The following NYAP2 variants were observed in gnomAD, a reference collection of about 807,000 sequenced individuals.
NYAP2 encodes the protein neuronal tyrosine-phosphorylated phosphoinositide-3-kinase adapter 2.
A neutral mutation model predicts 50.4 loss-of-function variants in NYAP2; 23 were observed. That is an observed-to-expected ratio of 0.46 (90% confidence interval 0.33 to 0.65). NYAP2 has a LOEUF of 0.65. NYAP2 is among the 30% of genes least tolerant of loss of function. The pLI is 0.02. For synonymous variants in NYAP2, 394 were observed against 365.2 expected, an observed-to-expected ratio of 1.08 and a Z score of -0.90; for missense variants, 885 against 861.0, an observed-to-expected ratio of 1.03 and a Z score of -0.35.
chr2:225,611,322 A>G (rs564446083), intron 5 of NYAP2, among the ~76,000 whole-genome samples: 1 of 152,152 alleles, frequency 6.6e-6, no homozygotes, highest in African/African-American at 2.4e-5. Context: ...GTATCCCTAC[A>G]TAAACATTCA....
chr2:225,496,915 A>AT lies in NYAP2; in HGVS notation c.222-16445dup, dbSNP rs552770034. Reference sequence around the variant, plus strand: ...GATACTGCCTCCATTGTAATGGAGAATTTTTTTTTTTATTTTTAGATGCAT... The same window carrying AT: ...GATACTGCCTCCATTGTAATGGAGAATTTTTTTTTTTTATTTTTAGATGCAT... On this transcript the variant is annotated intron_variant, in intron 3 of 6. Transcript: ENST00000636099. Among the ~76,000 whole-genome samples the AT allele has an allele frequency of 2.0e-3, 292 of 149,080 alleles. 1 individual carries two copies. Among genetic ancestry groups the AT allele is most frequent in the South Asian group, 5.1e-3 (24 of 4,720 alleles).
At chr2:225,578,999 T>C (rs1249051729) in intron 4 of NYAP2, among the ~76,000 whole-genome samples, 1 of 152,094 alleles carries the variant, frequency 6.6e-6, no homozygotes, top group East Asian at 1.9e-4. Flanking sequence ...ATTAGACTGA[T>C]GCTTTCTCTC....
intron 3 of NYAP2, among the ~76,000 whole-genome samples, chr2:225,471,823 G>T (rs1469717053): frequency 2.0e-5 from 3 of 152,138 alleles, no homozygotes; most frequent in African/African-American, 7.2e-5. Context: ...TGCCTTCAAA[G>T]CCATATTCAG....
chr2:225,619,929 G>A (rs1381678798), intron 5 of NYAP2, among the ~76,000 whole-genome samples: 3 of 152,172 alleles, frequency 2.0e-5, no homozygotes, highest in Non-Finnish European at 4.4e-5. Flanking sequence ...ATTTCAATGT[G>A]AGAATTAGAT....
At chr2:225,536,927 C>T (rs927644621) in intron 4 of NYAP2, among the ~76,000 whole-genome samples, 26 of 151,796 alleles carry the variant, frequency 1.7e-4, no homozygotes, top group Middle Eastern at 3.2e-3. Flanking sequence ...TACAAGTGCC[C>T]GCCACCACGC....
chr2:225,510,633 A>C (rs1388108554), intron 3 of NYAP2, among the ~76,000 whole-genome samples: 1 of 152,102 alleles, frequency 6.6e-6, no homozygotes, highest in African/African-American at 2.4e-5. Context: ...CCTAGCCTTG[A>C]CTTGAACAAT....
At chr2:225,681,160 C>T in the NYAP2 span, among the ~76,000 whole-genome samples, 1 of 152,166 alleles carries the variant, frequency 6.6e-6, no homozygotes, top group African/African-American at 2.4e-5. Context: ...GGTTGTTGGA[C>T]AGAGCTGGGC....
chr2:225,418,495 T>C (rs1695161043), intron 3 of NYAP2, among the ~76,000 whole-genome samples: 1 of 152,122 alleles, frequency 6.6e-6, no homozygotes, highest in African/African-American at 2.4e-5. Context: ...TGAGATGTGC[T>C]GGAATCGTAG....
chr2:225,671,213 G>A, the NYAP2 span, among the ~76,000 whole-genome samples: 1 of 151,824 alleles, frequency 6.6e-6, no homozygotes, highest in Non-Finnish European at 1.5e-5. Context: ...CAAACCATAT[G>A]ATGCTGTTTG....
intron 2 of NYAP2, among the ~76,000 whole-genome samples, chr2:225,401,679 T>G (rs1283007894): frequency 6.6e-6 from 1 of 152,076 alleles, no homozygotes; most frequent in Non-Finnish European, 1.5e-5. Flanking sequence ...TGTTCTTATT[T>G]TGTTGGGGTG....
In NYAP2 at chr2:225,552,965, C is replaced by T. The variant is rs115910308; in HGVS notation, c.524-28976C>T. Among the ~76,000 whole-genome samples the T allele has an allele frequency of 5.5e-3, 834 of 152,272 alleles. 5 individuals carry two copies. The highest frequency in any genetic ancestry group is 0.019 in the African/African-American group (775 of 41,544). On this transcript the variant is annotated intron_variant, in intron 4 of 6. Coordinates refer to ENST00000636099, the Ensembl canonical transcript of NYAP2. ...CCTCCCAAAGTGCTAAGATTACAGG[C>T]GTGAGCCACCACCGTGCCCAGCCAA...
At chr2:225,554,853 TGTTA>T (rs1691749508) in intron 4 of NYAP2, among the ~76,000 whole-genome samples, 1 of 152,156 alleles carries the variant, frequency 6.6e-6, no homozygotes, top group Non-Finnish European at 1.5e-5. Flanking sequence ...ATGATAGATA[TGTTA>T]GTTTGTTCCA....
chr2:225,672,132 C>T, the NYAP2 span, among the ~76,000 whole-genome samples: 1 of 152,086 alleles, frequency 6.6e-6, no homozygotes, highest in Admixed American at 6.6e-5. Context: ...GTCAACGTGT[C>T]CTTTGAAACC....
chr2:225,670,330 C>T, the NYAP2 span, among the ~76,000 whole-genome samples: 2 of 151,950 alleles, frequency 1.3e-5, no homozygotes, highest in African/African-American at 4.8e-5. Flanking sequence ...GAATGTTGTA[C>T]GGGGAGAGGT....
At chr2:225,514,528 TCTC>T (rs1690892656) in intron 4 of NYAP2, among the ~76,000 whole-genome samples, 1 of 152,098 alleles carries the variant, frequency 6.6e-6, no homozygotes, top group Admixed American at 6.6e-5. Context: ...ACTGCCGACT[TCTC>T]CTTGTATCCT....
At chr2:225,474,484 G>T (rs13417808) in intron 3 of NYAP2, among the ~76,000 whole-genome samples, 4 of 151,910 alleles carry the variant, frequency 2.6e-5, no homozygotes, top group Non-Finnish European at 4.4e-5. Flanking sequence ...CTTTTATTTC[G>T]TTGAGCAGTG....
chr2:225,612,146 C>A (rs1367176579), intron 5 of NYAP2, among the ~76,000 whole-genome samples: 1 of 147,914 alleles, frequency 6.8e-6, no homozygotes, highest in Admixed American at 6.9e-5. Flanking sequence ...CTACTACAGG[C>A]TTCTTTATGA....
At chr2:225,577,898 A>G (rs1692196084) in intron 4 of NYAP2, among the ~76,000 whole-genome samples, 2 of 151,716 alleles carry the variant, frequency 1.3e-5, no homozygotes, top group African/African-American at 4.8e-5. Flanking sequence ...TTTACTGAAG[A>G]GTCTATTCTC....
chr2:225,436,304 C>T (rs546446903), intron 3 of NYAP2, among the ~76,000 whole-genome samples: 4 of 152,202 alleles, frequency 2.6e-5, no homozygotes, highest in Non-Finnish European at 5.9e-5. Context: ...TCACAATTCT[C>T]GAGGTGAGAA....
Sources: allele counts gnomAD v4.1 joint callset (sites outside exome capture counted in the v4.1 genomes callset), GRCh38; gene constraint gnomAD v4.1.1; transcripts MANE v1.5; gene names NCBI Gene and HGNC (gene_info 2026-07-23, HGNC 2026-07-21).